Variants in SPAST observed in about 807,000 individuals in gnomAD.
The protein encoded by SPAST is spastic paraplegia 4 (autosomal dominant; spastin).
SPAST carries 30 observed loss-of-function variants against 76.6 expected under a neutral mutation model. That is an observed-to-expected ratio of 0.39 (90% CI 0.29 to 0.53). SPAST has a LOEUF of 0.53. Ranked by LOEUF, SPAST falls within the 20% of genes least tolerant of loss-of-function variation. The probability of loss-of-function intolerance (pLI) is 0.68; values close to 1 mark genes in which losing one functional copy is unlikely to be tolerated. For synonymous variants in SPAST, 305 were observed against 281.0 expected, an observed-to-expected ratio of 1.09 and a Z score of -0.86; for missense variants, 717 against 770.5, an observed-to-expected ratio of 0.93 and a Z score of 0.82.
At chr2:32,128,230 A>G in intron 8 of SPAST, 178 bp from the exon 9 acceptor site, 1 of 558,176 alleles carries the variant, frequency 1.8e-6, no homozygotes, top group African/African-American at 1.9e-5. Flanking sequence ...CTTGGCCTCA[A>G]GTGATGCGCC....
intron 16 of SPAST, 130 bp from the exon 17 acceptor site, chr2:32,154,244 C>T (rs1402192354): frequency 2.6e-6 from 2 of 756,254 alleles, no homozygotes; most frequent in African/African-American, 3.6e-5. Context: ...ACATAATTTT[C>T]TAAGAATACA....
intron 7 of SPAST, among the ~76,000 whole-genome samples, chr2:32,122,101 AG>A (rs1180610435): frequency 6.6e-6 from 1 of 152,174 alleles, no homozygotes; most frequent in Non-Finnish European, 1.5e-5. Context: ...CATTAATCAC[AG>A]GATGATCAAG....
At chr2:32,089,383 A>G (rs1270113973) in intron 2 of SPAST, 139 bp from the exon 3 acceptor site, 4 of 585,282 alleles carry the variant, frequency 6.8e-6, no homozygotes, top group South Asian at 1.9e-5. Context: ...TCTTTTGGGT[A>G]TACATTTTCT....
chr2:32,134,670 G>A (rs937764818), intron 9 of SPAST, among the ~76,000 whole-genome samples: 80 of 152,124 alleles, frequency 5.3e-4, no homozygotes, highest in African/African-American at 1.8e-3. Context: ...TATTGTTGTG[G>A]AAGTTAGGAG....
chr2:32,095,591 C>T (rs779950067), intron 3 of SPAST, among the ~76,000 whole-genome samples: 1 of 150,856 alleles, frequency 6.6e-6, no homozygotes, highest in African/African-American at 2.4e-5. Flanking sequence ...AAAAAATAGC[C>T]AGGAGTGGTG....
rs1677531526 is a variant in SPAST, at chr2:32,087,503, G to A, written c.427G>A (p.Glu143Lys). The A allele has an allele frequency of 1.2e-6, 2 of 1,603,092 alleles. No homozygotes were observed. The highest frequency in any genetic ancestry group is 8.5e-7 in the Non-Finnish European group (1 of 1,171,038). The change falls in exon 2 of 17, where the codon GAG becomes AAG. Residue 143 changes from glutamate (E) to lysine (K), a missense_variant. Transcript: ENST00000315285. ...IDEDEKAGQK[E>K]QAVEWYKKGI... ...TTTTTATTTTAAAGCAGGACAGAAG[G>A]AGCAAGCTGTGGAATGGTATAAGAA...
At chr2:32,121,264 T>C (rs570824183) in intron 7 of SPAST, among the ~76,000 whole-genome samples, 24 of 152,202 alleles carry the variant, frequency 1.6e-4, no homozygotes, top group South Asian at 1.2e-3. Flanking sequence ...GCGATTCTCC[T>C]GCCTCAGCCT....
chr2:32,083,769 TATA>T lies in SPAST; in HGVS notation c.416-3722_416-3720del, dbSNP rs1330995994. The stretch of plus-strand genomic sequence containing the variant: ...TATATACTATATATATATATATATA[TATA>T]TATATTTTTTTTTTTTTTTGAGATG... On this transcript the variant is annotated intron_variant, in intron 1 of 16. Transcript: ENST00000315285. Among the ~76,000 whole-genome samples, 298 of 96,018 alleles carry T rather than the reference TATA, an allele frequency of 3.1e-3. 5 individuals are homozygous for T. The highest frequency in any genetic ancestry group is 4.4e-3 in the Non-Finnish European group (223 of 50,350). 63.0% of individuals were successfully genotyped at this position (96,018 alleles called of 152,430 possible).
intron 16 of SPAST, among the ~76,000 whole-genome samples, chr2:32,153,565 C>T (rs1412431775): frequency 1.3e-5 from 2 of 151,816 alleles, no homozygotes; most frequent in African/African-American, 2.4e-5. Flanking sequence ...ATCCACCCGC[C>T]TTGGCCTCCC....
chr2:32,085,531 C>T (rs916600489), intron 1 of SPAST, among the ~76,000 whole-genome samples: 3 of 152,010 alleles, frequency 2.0e-5, no homozygotes, highest in Admixed American at 1.3e-4. Flanking sequence ...ATAAACTTTT[C>T]TTTACATGTC....
At chr2:32,077,788 C>T (rs964477354) in intron 1 of SPAST, 2 of 152,186 alleles carry the variant, frequency 1.3e-5, no homozygotes, top group African/African-American at 4.8e-5. Context: ...TCTCTTACCT[C>T]TATTTAAAGA....
At chr2:32,064,272 C>T in intron 1 of SPAST, 26 bp downstream of exon 1, 1 of 570,620 alleles carries the variant, frequency 1.8e-6, no homozygotes, top group Non-Finnish European at 2.5e-6. Flanking sequence ...GGGGAGGGGG[C>T]GGCGGCGCCG....
chr2:32,089,218 T>TTTTTTTTTTTA (rs375850129), intron 2 of SPAST, among the ~76,000 whole-genome samples: 2 of 129,996 alleles, frequency 1.5e-5, no homozygotes, highest in African/African-American at 5.7e-5. Flanking sequence ...TTTTTTTTTT[T>TTTTTTTTTTTA]AAGTAGAGAC....
At chr2:32,069,048 A>G (rs760361521) in intron 1 of SPAST, among the ~76,000 whole-genome samples, 1 of 152,080 alleles carries the variant, frequency 6.6e-6, no homozygotes, top group Non-Finnish European at 1.5e-5. Flanking sequence ...CCCCGTCTCT[A>G]CTAAAAATAC....
At chr2:32,116,289 A>G in intron 7 of SPAST, 77 bp downstream of exon 7, 1 of 898,604 alleles carries the variant, frequency 1.1e-6, no homozygotes. Context: ...GTAAAGAAAT[A>G]TTTGAGCTAT....
Position 32,114,957 on chromosome 2 carries a change from A to AT in SPAST, c.870+150dup, listed in dbSNP as rs11399176. 0.55 allele frequency: 270,805 copies of AT among 490,576 alleles called. 49,733 individuals are homozygous for AT. The highest frequency in any genetic ancestry group is 0.76 in the African/African-American group (35,669 of 46,970). 30.4% of individuals were successfully genotyped at this position (490,576 alleles called of 1,614,324 possible). On this transcript the variant is annotated intron_variant, in intron 5 of 16. Coordinates refer to ENST00000315285, the MANE Select transcript of SPAST (RefSeq NM_014946.4). Reference sequence around the variant, plus strand: ...AATGGATAAGTTTCCATAAAGTTAAATTTTTTTTTTTTTTTTTTGAGACTC... The same window carrying AT: ...AATGGATAAGTTTCCATAAAGTTAAATTTTTTTTTTTTTTTTTTTGAGACTC...
At chr2:32,097,256 G>A (rs1573085395) in intron 3 of SPAST, among the ~76,000 whole-genome samples, 2 of 152,134 alleles carry the variant, frequency 1.3e-5, no homozygotes, top group East Asian at 3.9e-4. Context: ...ATCTTGGGAG[G>A]GGTTTTTGTT....
At chr2:32,096,429 C>T (rs539794828) in intron 3 of SPAST, among the ~76,000 whole-genome samples, 56 of 151,900 alleles carry the variant, frequency 3.7e-4, no homozygotes, top group African/African-American at 1.2e-3. Flanking sequence ...AGTGAGACTC[C>T]GTCTCCAAAA....
chr2:32,100,008 T>C (rs576133232), intron 4 of SPAST, among the ~76,000 whole-genome samples: 4 of 151,106 alleles, frequency 2.6e-5, no homozygotes, highest in African/African-American at 9.7e-5. Context: ...GATGATTTTC[T>C]TTCCTTTGGA....
Sources: gnomAD v4.1 joint callset for allele counts (sites outside exome capture counted in the v4.1 genomes callset) on GRCh38, gnomAD v4.1.1 for gene constraint, MANE v1.5 for transcripts, NCBI Gene and HGNC (gene_info 2026-07-23, HGNC 2026-07-21) for gene names.